The following DYNLT2 variants were observed in gnomAD, a reference collection of about 807,000 sequenced individuals.
DYNLT2 encodes dynein light chain Tctex-type protein 2.
In DYNLT2, 24 loss-of-function variants were observed where a neutral mutation model predicts 24.3. The observed-to-expected ratio is 0.99, with a 90% confidence interval of 0.71 to 1.39. DYNLT2 has a LOEUF of 1.39. Ranked by LOEUF, DYNLT2 falls within the 40% of genes most tolerant of loss-of-function variation. The pLI is 0.00. For synonymous variants in DYNLT2, 85 were observed against 85.4 expected, an observed-to-expected ratio of 1.00 and a Z score of 0.03; for missense variants, 246 against 234.5, an observed-to-expected ratio of 1.05 and a Z score of -0.32.
chr6:169,727,796 C>T, the DYNLT2 span, among the ~76,000 whole-genome samples: 334 of 152,290 alleles, frequency 2.2e-3, 1 homozygote, highest in Middle Eastern at 0.017. Flanking sequence ...ATCTCCTGAC[C>T]TCATGATCTG....
At chr6:169,730,450 A>G in the DYNLT2 span, among the ~76,000 whole-genome samples, 1 of 152,204 alleles carries the variant, frequency 6.6e-6, no homozygotes, top group Non-Finnish European at 1.5e-5. Flanking sequence ...GCTGTAAGTC[A>G]TCAAAGATTG....
intron 1 of DYNLT2, among the ~76,000 whole-genome samples, chr6:169,748,642 CTTGT>C (rs573289807): frequency 2.6e-5 from 4 of 152,236 alleles, no homozygotes; most frequent in South Asian, 4.1e-4. Flanking sequence ...TCATTTTGTT[CTTGT>C]TTATTAAGAG....
chr6:169,743,213 T>C lies in DYNLT2; in HGVS notation c.353A>G (p.Asp118Gly), dbSNP rs1585318397. The C allele has an allele frequency of 6.4e-7, 1 of 1,558,456 alleles. No homozygotes were observed. The highest frequency in any genetic ancestry group is 8.7e-7 in the Non-Finnish European group (1 of 1,145,330). Residue 118 changes from aspartate (D) to glycine (G), a missense_variant, in exon 3 of 4, where the codon GAT becomes GGT. Asp to Gly is a moderately conservative substitution (Grantham distance 94). Coordinates refer to ENST00000366774, the MANE Select transcript of DYNLT2 (RefSeq NM_174910.3). Reference sequence around the variant, plus strand: ...TGACAAGTGAGAGAATACTTTATCATCATATTTGACATCTTTAAGACTTTC... The same window carrying C: ...TGACAAGTGAGAGAATACTTTATCACCATATTTGACATCTTTAAGACTTTC... Reference protein sequence around the residue: ...LTESLKDVKYDDKVFSHLSLE... With the variant: ...LTESLKDVKYGDKVFSHLSLE...
the DYNLT2 span, chr6:169,725,971 C>A: frequency 6.6e-6 from 1 of 152,218 alleles, no homozygotes; most frequent in Admixed American, 6.5e-5. Flanking sequence ...TTACGTAATC[C>A]TCCTCGTTTT....
At chr6:169,736,146 T>G (rs538594740), downstream of DYNLT2, among the ~76,000 whole-genome samples, 31 of 151,618 alleles carry the variant, frequency 2.0e-4, no homozygotes, top group Non-Finnish European at 3.7e-4. Flanking sequence ...TTGTTTGTTT[T>G]TTTTTTTGCT....
At position 169,741,600 on chromosome 6, in the gene DYNLT2, A is replaced by G. The variant is rs76103987; in HGVS notation, c.487-1305T>C. On this transcript the variant is annotated intron_variant, in intron 3 of 3. Coordinates refer to ENST00000366774, the MANE Select transcript of DYNLT2 (RefSeq NM_174910.3). ...ATAAGCTGAAACATTCCCCCACTGC[A>G]CATCATGCCACTATCTACTAGCTAC... 7.4e-3 allele frequency among the ~76,000 whole-genome samples: 1,125 copies of G among 152,248 alleles called. 14 individuals are homozygous for G. The highest frequency in any genetic ancestry group is 0.025 in the African/African-American group (1,036 of 41,540).
rs1562995523 is a variant in DYNLT2, at chr6:169,740,318, A to T, written c.487-23T>A. ...AATCTGTGAGAGAAATTTTGTAAAGACCAACTTTAGATTGAACATATTAAG... is the reference window on the plus strand; with the variant it reads ...AATCTGTGAGAGAAATTTTGTAAAGTCCAACTTTAGATTGAACATATTAAG... On this transcript the variant is annotated intron_variant, in intron 3 of 3. Coordinates refer to ENST00000366774, the MANE Select transcript of DYNLT2 (RefSeq NM_174910.3). The T allele has an allele frequency of 2.0e-6, 3 of 1,463,988 alleles. No individual in the cohort carries two copies. In the South Asian group the frequency reaches 3.4e-5, roughly 17 times the overall value. The allele number at this position is 1,463,988 out of a possible 1,614,324, so 90.7% of individuals were successfully genotyped here.
chr6:169,749,420 T>C (rs1462590274), intron 1 of DYNLT2: 1 of 152,260 alleles, frequency 6.6e-6, no homozygotes, highest in African/African-American at 2.4e-5. Flanking sequence ...TTTCAATGCA[T>C]GTGCACAAGT....
chr6:169,742,752 C>T (rs1200944547), intron 3 of DYNLT2, among the ~76,000 whole-genome samples: 1 of 152,008 alleles, frequency 6.6e-6, no homozygotes, highest in Non-Finnish European at 1.5e-5. Context: ...GCACCCACCA[C>T]CATGCCCAGC....
At chr6:169,735,840 G>A (rs1789550761), downstream of DYNLT2, among the ~76,000 whole-genome samples, 1 of 152,202 alleles carries the variant, frequency 6.6e-6, no homozygotes, top group African/African-American at 2.4e-5. Flanking sequence ...GAATATCCTT[G>A]TTAATTTTCT....
the DYNLT2 span, among the ~76,000 whole-genome samples, chr6:169,727,586 CAG>C: frequency 9.3e-5 from 14 of 151,224 alleles, no homozygotes; most frequent in Admixed American, 7.9e-4. Context: ...TTTTTTGAGA[CAG>C]AGACTCACTC....
intron 3 of DYNLT2, among the ~76,000 whole-genome samples, 199 bp downstream of exon 3, chr6:169,742,881 G>A (rs1198211594): frequency 6.6e-6 from 1 of 152,204 alleles, no homozygotes; most frequent in Non-Finnish European, 1.5e-5. Context: ...TTACAGGCAT[G>A]AGCCAACGAA....
the DYNLT2 span, chr6:169,725,191 C>T: frequency 1.8e-5 from 7 of 398,764 alleles, no homozygotes; most frequent in Non-Finnish European, 3.1e-5. Flanking sequence ...GGGTCCGGGG[C>T]GGCCCGCCGT....
chr6:169,730,612 C>T, the DYNLT2 span, among the ~76,000 whole-genome samples: 2 of 152,078 alleles, frequency 1.3e-5, no homozygotes, highest in African/African-American at 2.4e-5. Context: ...AAGAAAGTTC[C>T]GGCCGGGCGC....
chr6:169,725,478 G>A, the DYNLT2 span: 4,031 of 396,950 alleles, frequency 0.01, 52 homozygotes, highest in African/African-American at 0.038. Flanking sequence ...TCCTAATCCA[G>A]CTTGGTTCTC....
At chr6:169,739,435 A>G (rs1414955423), downstream of DYNLT2, among the ~76,000 whole-genome samples, 2 of 152,158 alleles carry the variant, frequency 1.3e-5, no homozygotes, top group Admixed American at 1.3e-4. Flanking sequence ...TGGTCTAGTC[A>G]TAGGAACATG....
intron 1 of DYNLT2, chr6:169,749,398 T>C (rs1261690596): frequency 6.6e-6 from 1 of 152,230 alleles, no homozygotes; most frequent in Non-Finnish European, 1.5e-5. Context: ...TGCACCCGGC[T>C]GTATTTAAGA....
chr6:169,733,785 A>G, the DYNLT2 span, among the ~76,000 whole-genome samples: 1 of 152,224 alleles, frequency 6.6e-6, no homozygotes, highest in African/African-American at 2.4e-5. Flanking sequence ...CTTTGATTCT[A>G]TATGAAATTT....
rs112598001 is a variant in DYNLT2, at chr6:169,743,998, G to A, written c.327+70C>T. 2,725 of 1,432,442 alleles carry A rather than the reference G, an allele frequency of 1.9e-3. 40 individuals carry two copies. The African/African-American group carries it at 0.032, about 17-fold the overall frequency. The allele number at this position is 1,432,442 out of a possible 1,614,324, so 88.7% of individuals were successfully genotyped here. On this transcript the variant is annotated intron_variant, in intron 2 of 3. Coordinates refer to ENST00000366774, the MANE Select transcript of DYNLT2 (RefSeq NM_174910.3). Reference sequence around the variant, plus strand: ...GCCAATTCCTGGAATAAATTTCTTCGTATATATAATTTCTGTTTCTCTGTA... The same window carrying A: ...GCCAATTCCTGGAATAAATTTCTTCATATATATAATTTCTGTTTCTCTGTA...
Sources: allele counts gnomAD v4.1 joint callset (sites outside exome capture counted in the v4.1 genomes callset), GRCh38; gene constraint gnomAD v4.1.1; transcripts MANE v1.5; gene names NCBI Gene and HGNC (gene_info 2026-07-23, HGNC 2026-07-21).